The following LRRC4C variants were observed in gnomAD, a reference collection of about 807,000 sequenced individuals.
The protein encoded by LRRC4C is leucine-rich repeat-containing protein 4C.
LRRC4C carries 5 observed loss-of-function variants against 33.6 expected under a neutral mutation model. The ratio of observed to expected loss-of-function variants is 0.15; its 90% confidence interval spans 0.08 to 0.31. The LOEUF (loss-of-function observed/expected upper bound fraction) is 0.31. Ranked by LOEUF, LRRC4C falls within the 10% of genes least tolerant of loss-of-function variation. The probability of loss-of-function intolerance (pLI) is 1.00; values close to 1 mark genes in which losing one functional copy is unlikely to be tolerated. For missense variants in LRRC4C, 560 were observed against 796.7 expected, an observed-to-expected ratio of 0.70 and a Z score of 3.58; for synonymous variants, 329 against 302.0, an observed-to-expected ratio of 1.09 and a Z score of -0.93.
intron 1 of LRRC4C, among the ~76,000 whole-genome samples, chr11:41,253,187 G>T (rs963789472): frequency 6.6e-6 from 1 of 151,972 alleles, no homozygotes; most frequent in Non-Finnish European, 1.5e-5. Context: ...CCTACTTTTG[G>T]CTTTCTAATT....
rs562316380 is a variant in LRRC4C at position 40,713,512 on chromosome 11, C to T, written c.-406-65234G>A. On this transcript the variant is annotated intron_variant, in intron 2 of 6. Coordinates refer to ENST00000528697, the MANE Select transcript of LRRC4C (RefSeq NM_001258419.2). ...CAGTTGGTAGCTATATACATTTGAA[C>T]AAGTGACACAAGAACTCTTAATTGT... is the stretch of plus-strand genomic sequence containing the variant. Among the ~76,000 whole-genome samples the T allele has an allele frequency of 2.0e-3, 299 of 152,260 alleles. 2 individuals are homozygous for T. Among genetic ancestry groups the T allele is most frequent in the African/African-American group, 6.9e-3 (287 of 41,546 alleles).
intron 2 of LRRC4C, among the ~76,000 whole-genome samples, chr11:40,777,844 T>C (rs1221320103): frequency 6.6e-6 from 1 of 151,860 alleles, no homozygotes; most frequent in African/African-American, 2.4e-5. Context: ...CCCGCCACCA[T>C]GCCCAGCTAA....
chr11:40,146,307 C>T (rs1170082724), intron 5 of LRRC4C, among the ~76,000 whole-genome samples: 1 of 152,130 alleles, frequency 6.6e-6, no homozygotes, highest in African/African-American at 2.4e-5. Context: ...CACAAACACA[C>T]TATAGACCTT....
At chr11:40,805,853 G>A (rs1240574788) in intron 2 of LRRC4C, among the ~76,000 whole-genome samples, 1 of 151,916 alleles carries the variant, frequency 6.6e-6, no homozygotes, top group Non-Finnish European at 1.5e-5. Context: ...ATGTAGGTAT[G>A]ACTCAGAAAA....
At chr11:40,419,865 G>A (rs1186288933) in intron 3 of LRRC4C, among the ~76,000 whole-genome samples, 1 of 152,188 alleles carries the variant, frequency 6.6e-6, no homozygotes, top group Non-Finnish European at 1.5e-5. Context: ...GTTCCTTACA[G>A]GAAGTGAGCA....
chr11:41,087,633 T>A (rs1351454587), intron 1 of LRRC4C, among the ~76,000 whole-genome samples: 5 of 152,166 alleles, frequency 3.3e-5, no homozygotes, highest in African/African-American at 1.2e-4. Context: ...CCATTAATTA[T>A]GTTAATGATG....
chr11:40,195,546 A>G (rs557553372), intron 5 of LRRC4C, among the ~76,000 whole-genome samples: 2 of 152,056 alleles, frequency 1.3e-5, no homozygotes, highest in Non-Finnish European at 2.9e-5. Context: ...AGGGCATGTA[A>G]AATTTTTGCT....
chr11:40,286,180 GA>G (rs781281569), intron 4 of LRRC4C, among the ~76,000 whole-genome samples: 2 of 152,000 alleles, frequency 1.3e-5, no homozygotes, highest in African/African-American at 2.4e-5. Context: ...ATGTATGTAT[GA>G]CAAAGTTTAA....
intron 1 of LRRC4C, among the ~76,000 whole-genome samples, chr11:41,240,710 G>A (rs1948216735): frequency 6.6e-6 from 1 of 152,150 alleles, no homozygotes; most frequent in Non-Finnish European, 1.5e-5. Flanking sequence ...GATAAATTGG[G>A]ATGAATAGCA....
At chr11:41,213,487 G>A (rs1409642913) in intron 1 of LRRC4C, among the ~76,000 whole-genome samples, 1 of 152,096 alleles carries the variant, frequency 6.6e-6, no homozygotes, top group Non-Finnish European at 1.5e-5. Context: ...CTAACCAACA[G>A]GTAATATAAC....
intron 4 of LRRC4C, among the ~76,000 whole-genome samples, chr11:40,296,356 CAT>C (rs1233492621): frequency 2.0e-5 from 3 of 152,132 alleles, no homozygotes; most frequent in African/African-American, 4.8e-5. Flanking sequence ...ACACTTTTCT[CAT>C]ATATATCACC....
chr11:40,261,243 T>C (rs1450584104), intron 4 of LRRC4C, among the ~76,000 whole-genome samples: 1 of 152,176 alleles, frequency 6.6e-6, no homozygotes, highest in Admixed American at 6.6e-5. Context: ...GCAACTCACC[T>C]GCTGAAAACA....
chr11:41,043,710 CTG>C (rs1857587781), intron 1 of LRRC4C, among the ~76,000 whole-genome samples: 1 of 152,016 alleles, frequency 6.6e-6, no homozygotes, highest in South Asian at 2.1e-4. Context: ...GTGTCCACAG[CTG>C]TCTGACATTA....
chr11:40,296,146 A>G (rs1277618188), intron 4 of LRRC4C, among the ~76,000 whole-genome samples: 2 of 152,230 alleles, frequency 1.3e-5, no homozygotes, highest in Non-Finnish European at 2.9e-5. Context: ...CAGCAGGGAC[A>G]GGTAAGTGCT....
chr11:40,400,767 C>T (rs987800622), intron 3 of LRRC4C, among the ~76,000 whole-genome samples: 6 of 152,132 alleles, frequency 3.9e-5, no homozygotes, highest in African/African-American at 1.4e-4. Flanking sequence ...CTCTGGCTCA[C>T]TCCTACTTAT....
At chr11:41,100,459 C>A (rs1941102033) in intron 1 of LRRC4C, among the ~76,000 whole-genome samples, 1 of 151,964 alleles carries the variant, frequency 6.6e-6, no homozygotes, top group South Asian at 2.1e-4. Flanking sequence ...CCCAGCTGCT[C>A]ATGAGGCTGA....
intron 1 of LRRC4C, among the ~76,000 whole-genome samples, chr11:41,346,686 C>G (rs1466721186): frequency 6.6e-6 from 1 of 152,166 alleles, no homozygotes; most frequent in Non-Finnish European, 1.5e-5. Context: ...TAGAATTTCA[C>G]AAGGCATCTT....
In LRRC4C at chr11:41,099,037, T is replaced by C. The variant is rs1034717953; in HGVS notation, c.-495-165314A>G. ...GACTCCACAGAAATAGAAACAACAA[T>C]CAGAGACTGTGATGAATACCTCTGT... On this transcript the variant is annotated intron_variant, in intron 1 of 6. Coordinates refer to ENST00000528697, the MANE Select transcript of LRRC4C (RefSeq NM_001258419.2). Among the ~76,000 whole-genome samples the C allele has an allele frequency of 3.9e-5, 6 of 151,992 alleles. No individual in the cohort carries two copies. The East Asian group carries it at 5.8e-4, about 15-fold the overall frequency.
chr11:40,624,640 A>C lies in LRRC4C; in HGVS notation c.-270+23502T>G, dbSNP rs143375552. 1.9e-4 allele frequency among the ~76,000 whole-genome samples: 29 copies of C among 152,240 alleles called. 1 individual carries two copies. The East Asian group carries it at 5.6e-3, about 29-fold the overall frequency. On this transcript the variant is annotated intron_variant, in intron 3 of 6. Coordinates refer to ENST00000528697, the MANE Select transcript of LRRC4C (RefSeq NM_001258419.2). ...GAGGCTGATTGCTTTTGTCAGCCCG[A>C]AAGATCCACAACTAGTGGCACATAC...
Sources: allele counts gnomAD v4.1 joint callset (sites outside exome capture counted in the v4.1 genomes callset), GRCh38; gene constraint gnomAD v4.1.1; transcripts MANE v1.5; gene names NCBI Gene and HGNC (gene_info 2026-07-23, HGNC 2026-07-21).